The following HIF3A variants were observed in gnomAD, a reference collection of about 807,000 sequenced individuals.
HIF3A encodes hypoxia inducible factor 3 subunit alpha.
A neutral mutation model predicts 67.2 loss-of-function variants in HIF3A; 41 were observed. The ratio of observed to expected loss-of-function variants is 0.61; its 90% confidence interval spans 0.48 to 0.79. The LOEUF (loss-of-function observed/expected upper bound fraction) is 0.79, where lower values mean the gene tolerates loss of function less well. Among genes scored for constraint, HIF3A ranks in the 30% least tolerant of loss-of-function variants. The pLI is 0.00. For synonymous variants in HIF3A, 356 were observed against 374.8 expected (o/e 0.95, Z 0.58); for missense variants, 855 against 898.0 (o/e 0.95, Z 0.61).
chr19:46,308,824 G>A (rs1969157522), intron 5 of HIF3A, 49 bp downstream of exon 5: 6 of 1,280,654 alleles, frequency 4.7e-6, no homozygotes, highest in Admixed American at 2.1e-5. Flanking sequence ...GGCTGGGTGT[G>A]AGCCCTGAAA....
Position 46,331,175 on chromosome 19 carries a change from G to C in HIF3A, c.1732G>C (p.Glu578Gln). ...ARKRTLAQSS[E>Q]DEDEGVELLG... ...CTCCAGGACCCTGGCCCAGAGCTCA[G>C]AGGACGAGGACGAGGGAGTGGAGCT... The change falls in exon 13 of 15, where the codon GAG becomes CAG. Residue 578 changes from glutamate to glutamine, a missense_variant. By Grantham distance (29) the Glu-to-Gln change is conservative (BLOSUM62 2). Transcript: ENST00000377670. 1 of 1,613,556 alleles carries C rather than the reference G, an allele frequency of 6.2e-7. No individual in the cohort carries two copies. The highest frequency in any genetic ancestry group is 8.5e-7 in the Non-Finnish European group (1 of 1,179,580).
chr19:46,298,579 C>A, intron 1 of HIF3A: 1 of 1,164,364 alleles, frequency 8.6e-7, no homozygotes, highest in Non-Finnish European at 1.1e-6. Flanking sequence ...GCTGCCATCC[C>A]ACTGTGGCCA....
In HIF3A at chr19:46,340,087, GT is replaced by G. The variant is rs147195719; in HGVS notation, c.*470del. 0.037 allele frequency: 5,718 copies of G among 153,558 alleles called. 155 individuals are homozygous for G. Among genetic ancestry groups the G allele is most frequent in the African/African-American group, 0.054 (2,255 of 41,548 alleles). The allele number at this position is 153,558 out of a possible 1,614,324, so 9.5% of individuals were successfully genotyped here. A position where few individuals can be genotyped will look rare whatever the true frequency, so the allele number is the denominator to read the frequency against. ...TTATTTTTGTCAATTTCATGATATG[GT>G]TTTTAATCATGATGAATTGCCTGGG... On this transcript the variant is annotated 3_prime_UTR_variant, in exon 15 of 15. Transcript: ENST00000377670.
chr19:46,311,698 C>CA (rs946219265), intron 6 of HIF3A, among the ~76,000 whole-genome samples: 19 of 151,644 alleles, frequency 1.3e-4, no homozygotes, highest in Admixed American at 2.0e-4. Context: ...CCCATCTCTA[C>CA]AAAAAAAATG....
intron 10 of HIF3A, among the ~76,000 whole-genome samples, chr19:46,324,957 T>TATATATATACATATATATATATAC (rs1568534204): frequency 6.6e-5 from 9 of 136,958 alleles, no homozygotes; most frequent in East Asian, 6.5e-4. Flanking sequence ...TATATATATA[T>TATATATATACATATATATATATAC]ACACATACAC....
At position 46,321,925 on chromosome 19, in the gene HIF3A, A is replaced by G. The variant is rs772576772; in HGVS notation, c.1294A>G (p.Ser432Gly). ...TGGGGCTTCAGTAGCAGCCACTCCC[A>G]GCACCCCGCTGGCCACACGGCACCC... The part of the protein sequence containing the change: ...LDGASVAATP[S>G]TPLATRHPQS... Residue 432 changes from serine to glycine, a missense_variant, in exon 10 of 15, where the codon AGC becomes GGC. Coordinates refer to ENST00000377670, the MANE Select transcript of HIF3A (RefSeq NM_152795.4). The G allele has an allele frequency of 6.2e-6, 10 of 1,613,860 alleles. No individual in the cohort carries two copies. The Admixed American group carries it at 1.2e-4, about 19-fold the overall frequency.
At chr19:46,338,933 G>C (rs925223169) in intron 14 of HIF3A, among the ~76,000 whole-genome samples, 36 of 152,304 alleles carry the variant, frequency 2.4e-4, no homozygotes, top group African/African-American at 8.4e-4. Flanking sequence ...CTGCCAGGAA[G>C]GGGAGACGGG....
chr19:46,320,360 T>C lies in HIF3A; in HGVS notation c.1026-83T>C, dbSNP rs201725667. On this transcript the variant is annotated intron_variant, in intron 8 of 14. Transcript: ENST00000377670. ...CCCTGGGCGCCATTGCCTTCTGTAA[T>C]AGGACATCACCTGAACAGGCTTTCT... The C allele has an allele frequency of 1.6e-4, 164 of 1,047,508 alleles. 2 individuals carry two copies. The highest frequency in any genetic ancestry group is 1.4e-3 in the South Asian group (98 of 71,888). The allele number at this position is 1,047,508 out of a possible 1,614,324, so 64.9% of individuals were successfully genotyped here. A position where few individuals can be genotyped will look rare whatever the true frequency, so the allele number is the denominator to read the frequency against.
chr19:46,331,481 A>G, intron 13 of HIF3A: 1 of 160,024 alleles, frequency 6.2e-6, no homozygotes, highest in Non-Finnish European at 1.2e-5. Flanking sequence ...GCGCCACTGC[A>G]CCCCAGCATG....
chr19:46,320,856 C>T (rs1601303389), intron 9 of HIF3A, among the ~76,000 whole-genome samples: 1 of 152,314 alleles, frequency 6.6e-6, no homozygotes, highest in South Asian at 2.1e-4. Context: ...TGCTCTAAAT[C>T]CTGCTGTGGC....
Position 46,303,002 on chromosome 19 carries a change from G to T in HIF3A, c.27-896G>T, listed in dbSNP as rs73940657. On this transcript the variant is annotated intron_variant, in intron 1 of 14. Transcript: ENST00000377670. ...ACATAAATCCAGGCCCATAGAGATA[G>T]AGAAAATTTGAGAATTTAGGTAGAC... Among the ~76,000 whole-genome samples, 708 of 152,326 alleles carry T rather than the reference G, an allele frequency of 4.6e-3. 8 individuals are homozygous for T. Among genetic ancestry groups the T allele is most frequent in the African/African-American group, 0.016 (659 of 41,580 alleles).
intron 1 of HIF3A, chr19:46,298,492 A>G: frequency 7.8e-7 from 1 of 1,284,564 alleles, no homozygotes; most frequent in Non-Finnish European, 1.0e-6. Flanking sequence ...ATGGCCCTTC[A>G]GCCAACGGGG....
At chr19:46,320,365 C>A in intron 8 of HIF3A, 78 bp from the exon 9 acceptor site, 2 of 1,105,416 alleles carry the variant, frequency 1.8e-6, no homozygotes, top group Non-Finnish European at 2.7e-6. Context: ...TGTAATAGGA[C>A]ATCACCTGAA....
At chr19:46,311,031 G>A (rs1200407174) in intron 6 of HIF3A, among the ~76,000 whole-genome samples, 7 of 152,144 alleles carry the variant, frequency 4.6e-5, no homozygotes, top group African/African-American at 7.2e-5. Flanking sequence ...GATTACAGGC[G>A]TGAGCCACCG....
At chr19:46,303,504 C>T in intron 1 of HIF3A, 1 of 914,482 alleles carries the variant, frequency 1.1e-6, no homozygotes. Flanking sequence ...CTTCGTGGGC[C>T]CTCCCTCCTC....
intron 10 of HIF3A, among the ~76,000 whole-genome samples, chr19:46,324,913 C>G (rs1970642351): frequency 6.9e-6 from 1 of 145,748 alleles, no homozygotes. Flanking sequence ...TATATACACA[C>G]ACACATATAT....
intron 11 of HIF3A, 39 bp downstream of exon 11, chr19:46,325,678 T>TG (rs1413321166): frequency 1.5e-6 from 2 of 1,362,252 alleles, no homozygotes; most frequent in African/African-American, 2.9e-5. Flanking sequence ...CTCAGCCCTG[T>TG]GTTCTGGGGA....
rs751361030 is a variant in HIF3A at position 46,303,893 on chromosome 19, C to CTCAGG, written c.27-2_29dup. On this transcript the variant is annotated splice_region_variant and splice_polypyrimidine_tract_variant and intron_variant, in intron 1 of 14. Coordinates refer to ENST00000377670, the MANE Select transcript of HIF3A (RefSeq NM_152795.4). ...ACCACCAGTGAATGCTGCCCATGCC[C>CTCAGG]TCAGGTCGACCACGGAGCTGCGCAA... 1 of 1,607,094 alleles carries CTCAGG rather than the reference C, an allele frequency of 6.2e-7. No homozygotes were observed. Among genetic ancestry groups the CTCAGG allele is most frequent in the Non-Finnish European group, 8.5e-7 (1 of 1,177,228 alleles).
In HIF3A at chr19:46,308,787, C is replaced by T. The variant is rs777292045; in HGVS notation, c.561+12C>T. 18 of 1,558,874 alleles carry T rather than the reference C, an allele frequency of 1.2e-5. 1 individual carries two copies. In the South Asian group the frequency reaches 1.3e-4, roughly 11 times the overall value. ...CGGCCACCTGGAAGGTGCGTGGGGC[C>T]GGGCCAGAGGAGGGCGGGGACGCTG... On this transcript the variant is annotated intron_variant, in intron 5 of 14. Coordinates refer to ENST00000377670, the MANE Select transcript of HIF3A (RefSeq NM_152795.4).
Sources: allele counts gnomAD v4.1 joint callset (sites outside exome capture counted in the v4.1 genomes callset), GRCh38; gene constraint gnomAD v4.1.1; transcripts MANE v1.5; gene names NCBI Gene and HGNC (gene_info 2026-07-23, HGNC 2026-07-21).